NEDD9: variants seen among roughly 807,000 people sequenced by gnomAD.
NEDD9 encodes the protein enhancer of filamentation 1.
NEDD9 carries 26 observed loss-of-function variants against 76.6 expected under a neutral mutation model. That is an observed-to-expected ratio of 0.34 (90% CI 0.25 to 0.47). The LOEUF (loss-of-function observed/expected upper bound fraction) is 0.47, where lower values mean the gene tolerates loss of function less well. Ranked by LOEUF, NEDD9 falls within the 20% of genes least tolerant of loss-of-function variation. NEDD9 has a pLI of 1.00. For missense variants in NEDD9, 937 were observed against 1,058.5 expected, an observed-to-expected ratio of 0.89 and a Z score of 1.59; for synonymous variants, 392 against 414.2, an observed-to-expected ratio of 0.95 and a Z score of 0.65.
At chr6:11,364,027 G>A (rs1762721087) in intron 1 of NEDD9, among the ~76,000 whole-genome samples, 1 of 152,174 alleles carries the variant, frequency 6.6e-6, no homozygotes, top group Non-Finnish European at 1.5e-5. Flanking sequence ...ACATGTGAGG[G>A]GTTCCTGCTG....
chr6:11,258,613 A>C (rs1760050563), intron 3 of NEDD9: 1 of 152,082 alleles, frequency 6.6e-6, no homozygotes, highest in Non-Finnish European at 1.5e-5. Context: ...GAACTACCTG[A>C]AGCCATGCAA....
intron 3 of NEDD9, among the ~76,000 whole-genome samples, chr6:11,250,763 A>T (rs1759900866): frequency 6.6e-6 from 1 of 152,122 alleles, no homozygotes; most frequent in East Asian, 1.9e-4. Flanking sequence ...ATTCCTTTAC[A>T]CTTGGCCACT....
At chr6:11,351,002 G>A (rs1477928586) in intron 1 of NEDD9, among the ~76,000 whole-genome samples, 1 of 152,070 alleles carries the variant, frequency 6.6e-6, no homozygotes, top group African/African-American at 2.4e-5. Flanking sequence ...CATTGTGGAC[G>A]CCACAATGAT....
At chr6:11,377,811 C>T (rs1356363052) in intron 1 of NEDD9, among the ~76,000 whole-genome samples, 1 of 152,160 alleles carries the variant, frequency 6.6e-6, no homozygotes, top group African/African-American at 2.4e-5. Flanking sequence ...CTCCAAGTCT[C>T]ATGTTGAAAT....
At position 11,285,846 on chromosome 6, in the gene NEDD9, T is replaced by G. The variant is rs527356999; in HGVS notation, c.12+20146A>C. On this transcript the variant is annotated intron_variant, in intron 3 of 3. Coordinates refer to the NEDD9 transcript ENST00000397378. ...ACTTCAGTTCATATCTTTCATTATA[T>G]GAATATTAATTCAAAGTGGATCAGA... Among the ~76,000 whole-genome samples the G allele has an allele frequency of 1.8e-4, 28 of 152,318 alleles. No homozygotes were observed. The South Asian group carries it at 5.8e-3, about 32-fold the overall frequency.
chr6:11,193,680 C>T lies in NEDD9; in HGVS notation c.472G>A (p.Val158Met), dbSNP rs771987293. 8 of 1,613,432 alleles carry T rather than the reference C, an allele frequency of 5.0e-6. No homozygotes were observed. The highest frequency in any genetic ancestry group is 4.4e-5 in the South Asian group (4 of 91,042). Residue 158 changes from valine to methionine, a missense_variant, in exon 3 of 7, where the codon GTG becomes ATG. Coordinates refer to ENST00000379446, the MANE Select transcript of NEDD9 (RefSeq NM_006403.4). ...TATACGTAGCCATGGCCTGTCCTCA[C>T]GGGGGTTATCACCTGTGGGAGAGAA... ...PHVGKKVITP[V>M]RTGHGYVYEY...
At chr6:11,363,050 G>A (rs569261862) in intron 1 of NEDD9, among the ~76,000 whole-genome samples, 6 of 151,790 alleles carry the variant, frequency 4.0e-5, no homozygotes, top group South Asian at 2.1e-4. Flanking sequence ...TTTGAAATCC[G>A]TCTTTGAAAA....
At chr6:11,186,961 G>A (rs1757996246) in intron 6 of NEDD9, among the ~76,000 whole-genome samples, 1 of 152,178 alleles carries the variant, frequency 6.6e-6, no homozygotes, top group Non-Finnish European at 1.5e-5. Context: ...CTTAGCGATT[G>A]CTATGGTTTC....
At chr6:11,274,772 G>A (rs2113347658) in intron 3 of NEDD9, among the ~76,000 whole-genome samples, 1 of 152,288 alleles carries the variant, frequency 6.6e-6, no homozygotes, top group African/African-American at 2.4e-5. Flanking sequence ...TGGGGAAAAT[G>A]TACACTAGTA....
chr6:11,234,698 T>G (rs1759562992), upstream of NEDD9, among the ~76,000 whole-genome samples: 1 of 143,670 alleles, frequency 7.0e-6, no homozygotes, highest in Non-Finnish European at 1.5e-5. Flanking sequence ...TGCTGGAACC[T>G]CAAAACATTT....
At chr6:11,372,567 C>A (rs1762896648) in intron 1 of NEDD9, among the ~76,000 whole-genome samples, 1 of 152,146 alleles carries the variant, frequency 6.6e-6, no homozygotes, top group Non-Finnish European at 1.5e-5. Flanking sequence ...TTTGAGGAAC[C>A]TCCAAACTGT....
At chr6:11,303,762 G>C (rs1275785760) in intron 3 of NEDD9, among the ~76,000 whole-genome samples, 1 of 152,190 alleles carries the variant, frequency 6.6e-6, no homozygotes, top group Non-Finnish European at 1.5e-5. Flanking sequence ...GCCATATGTA[G>C]AAAGCTGAAA....
intron 1 of NEDD9, among the ~76,000 whole-genome samples, chr6:11,214,727 T>A (rs1758896793): frequency 6.6e-6 from 1 of 152,240 alleles, no homozygotes; most frequent in South Asian, 2.1e-4. Context: ...CATTCCCGCA[T>A]GTCTGCCCCC....
chr6:11,305,017 T>C (rs956258978), intron 3 of NEDD9: 19 of 1,177,610 alleles, frequency 1.6e-5, no homozygotes, highest in East Asian at 5.7e-5. Context: ...GGGAAATCCT[T>C]TTGTTACTTA....
At chr6:11,200,712 A>G in intron 2 of NEDD9, 1 of 1,314,804 alleles carries the variant, frequency 7.6e-7, no homozygotes, top group Admixed American at 3.4e-5. Flanking sequence ...AGAATTTCAA[A>G]CCAAAGCAGC....
intron 1 of NEDD9, among the ~76,000 whole-genome samples, chr6:11,223,030 A>G (rs1190758323): frequency 6.6e-6 from 1 of 152,204 alleles, no homozygotes; most frequent in African/African-American, 2.4e-5. Flanking sequence ...GTGCATGTGC[A>G]CATGCATGCA....
At chr6:11,306,029 T>G (rs1180326214) in exon 3 of NEDD9, 1 of 1,613,950 alleles carries the variant, frequency 6.2e-7, no homozygotes, top group South Asian at 1.1e-5. Flanking sequence ...GATGCAGCTC[T>G]GGATGTTGGA....
intron 2 of NEDD9, among the ~76,000 whole-genome samples, chr6:11,204,565 C>T (rs1456826209): frequency 6.6e-6 from 1 of 151,694 alleles, no homozygotes; most frequent in East Asian, 1.9e-4. Flanking sequence ...ACTAAAAATA[C>T]AAAAATTAGC....
rs889552081 is a variant in NEDD9, at chr6:11,355,361, T to A, written c.-213-20800A>T. Among the ~76,000 whole-genome samples, 4 of 152,184 alleles carry A rather than the reference T, an allele frequency of 2.6e-5. No homozygotes were observed. The East Asian group carries it at 5.8e-4, about 22-fold the overall frequency. ...GGGGCTAGAAAAATTTAAAAAAAAA[T>A]TAAAAACCAATAGTAATTTGAATTC... On this transcript the variant is annotated intron_variant, in intron 1 of 3. Transcript: ENST00000397378.
Sources: allele counts gnomAD v4.1 joint callset (sites outside exome capture counted in the v4.1 genomes callset), GRCh38; gene constraint gnomAD v4.1.1; transcripts MANE v1.5; gene names NCBI Gene and HGNC (gene_info 2026-07-23, HGNC 2026-07-21).